PCOLCE2: variants seen among roughly 807,000 people sequenced by gnomAD.
The protein encoded by PCOLCE2 is procollagen C-proteinase enhancer 2.
PCOLCE2 carries 42 observed loss-of-function variants against 47.0 expected under a neutral mutation model. That is an observed-to-expected ratio of 0.89 (90% CI 0.70 to 1.16). The LOEUF (loss-of-function observed/expected upper bound fraction) is 1.16. PCOLCE2 is among the 50% of genes most tolerant of loss of function. PCOLCE2 has a pLI of 0.00. For missense variants in PCOLCE2, 500 were observed against 526.1 expected, an observed-to-expected ratio of 0.95 and a Z score of 0.49; for synonymous variants, 169 against 191.7, an observed-to-expected ratio of 0.88 and a Z score of 0.98.
chr3:142,821,165 C>T (rs756653456), intron 7 of PCOLCE2, 120 bp from the exon 8 acceptor site: 24 of 755,710 alleles, frequency 3.2e-5, no homozygotes, highest in Non-Finnish European at 4.0e-5. Context: ...AAAGAAAAGG[C>T]CCTCATAGAG....
chr3:142,824,709 G>T (rs991860822), intron 6 of PCOLCE2, among the ~76,000 whole-genome samples: 1 of 152,082 alleles, frequency 6.6e-6, no homozygotes, highest in Non-Finnish European at 1.5e-5. Flanking sequence ...GTGTGATCTT[G>T]GCTCACTGCA....
At chr3:142,870,706 A>ATTTTTTTTTTTTTTTTTTTTTTTTT (rs200280430) in intron 2 of PCOLCE2, among the ~76,000 whole-genome samples, 1 of 135,386 alleles carries the variant, frequency 7.4e-6, no homozygotes, top group Non-Finnish European at 1.6e-5. Context: ...GAATGAGGCA[A>ATTTTTTTTTTTTTTTTTTTTTTTTT]TTTTTTTTTT....
intron 2 of PCOLCE2, among the ~76,000 whole-genome samples, chr3:142,872,868 G>GA (rs1933421321): frequency 1.3e-5 from 2 of 152,044 alleles, no homozygotes; most frequent in Non-Finnish European, 1.5e-5. Flanking sequence ...TTCATCCTCA[G>GA]AATATATAAA....
At chr3:142,882,589 A>ATTATT (rs1188049251) in intron 2 of PCOLCE2, among the ~76,000 whole-genome samples, 1 of 151,640 alleles carries the variant, frequency 6.6e-6, no homozygotes, top group African/African-American at 2.4e-5. Context: ...TTATTATTAT[A>ATTATT]CTTTAGAGAA....
chr3:142,837,961 A>C (rs1029971495), intron 5 of PCOLCE2, among the ~76,000 whole-genome samples: 1 of 152,208 alleles, frequency 6.6e-6, no homozygotes, highest in Non-Finnish European at 1.5e-5. Flanking sequence ...CAGATCTCTG[A>C]TAAGGTAAAA....
At chr3:142,847,231 T>C (rs1937336882) in intron 3 of PCOLCE2, among the ~76,000 whole-genome samples, 1 of 152,182 alleles carries the variant, frequency 6.6e-6, no homozygotes, top group African/African-American at 2.4e-5. Flanking sequence ...CTCCTCCACA[T>C]ATGTAGAGTT....
rs770461474 is a variant in PCOLCE2 at position 142,818,393 on chromosome 3, AT to A, written c.1189del (p.Met397Ter). 1 of 1,613,352 alleles carries A rather than the reference AT, an allele frequency of 6.2e-7. No homozygotes were observed. Among genetic ancestry groups the A allele is most frequent in the Non-Finnish European group, 8.5e-7 (1 of 1,179,390 alleles). On this transcript the variant is annotated frameshift_variant, in exon 9 of 9. Coordinates refer to ENST00000295992, the MANE Select transcript of PCOLCE2 (RefSeq NM_013363.4). LOFTEE classifies it high-confidence loss of function. ...RGKIMPNSFI[M>X]MFKTKNQKLL... ...CTTCTGATTCTTGGTCTTGAACATC[AT>A]GATAAAGCTGTTTGGCATGATTTTG...
At chr3:142,888,727 A>C in intron 1 of PCOLCE2, 87 bp downstream of exon 1, 2 of 809,844 alleles carry the variant, frequency 2.5e-6, no homozygotes, top group Non-Finnish European at 3.6e-6. Context: ...AGGCGCGCCG[A>C]AGCGGGTTGA....
chr3:142,871,031 C>CAG (rs1407016360), intron 2 of PCOLCE2, among the ~76,000 whole-genome samples: 1 of 152,190 alleles, frequency 6.6e-6, no homozygotes, highest in Non-Finnish European at 1.5e-5. Flanking sequence ...ATGTCAAAGA[C>CAG]AGACCCCTGG....
intron 2 of PCOLCE2, chr3:142,863,829 ATG>A (rs1267194061): frequency 6.6e-6 from 1 of 152,256 alleles, no homozygotes; most frequent in Non-Finnish European, 1.5e-5. Context: ...TTTTTAAAAA[ATG>A]TAAATTAAAT....
At chr3:142,819,087 A>G (rs1417930236) in intron 8 of PCOLCE2, among the ~76,000 whole-genome samples, 4 of 152,170 alleles carry the variant, frequency 2.6e-5, no homozygotes, top group South Asian at 2.1e-4. Context: ...CATCTCAAAC[A>G]TGTATGCTAC....
chr3:142,829,419 T>C (rs976666426), intron 6 of PCOLCE2, among the ~76,000 whole-genome samples: 15 of 152,268 alleles, frequency 9.9e-5, no homozygotes, highest in African/African-American at 3.6e-4. Context: ...AACAGAAACT[T>C]AGTCTTAGAA....
At position 142,820,922 on chromosome 3, in the gene PCOLCE2, G is replaced by A. The variant is rs1937005525; in HGVS notation, c.1073C>T (p.Ala358Val). The A allele has an allele frequency of 1.9e-6, 3 of 1,613,936 alleles. No homozygotes were observed. Among genetic ancestry groups the A allele is most frequent in the Non-Finnish European group, 2.5e-6 (3 of 1,179,968 alleles). ...AIQQAGKNMS[A>V]RLTVVCKQCP... is the part of the protein sequence containing the mutation. Reference sequence around the variant, plus strand: ...CTGCTTGCAGACGACAGTCAGCCTGGCACTCATGTTCTTGCCCGCCTGCTG... The same window carrying A: ...CTGCTTGCAGACGACAGTCAGCCTGACACTCATGTTCTTGCCCGCCTGCTG... Residue 358 changes from alanine to valine, a missense_variant, in exon 8 of 9, where the codon GCC (alanine) becomes GTC (valine). Physicochemically the swap from Ala to Val is moderately conservative, Grantham distance 64 (BLOSUM62 0). Transcript: ENST00000295992.
intron 2 of PCOLCE2, among the ~76,000 whole-genome samples, chr3:142,881,934 C>A (rs1195085371): frequency 6.6e-6 from 1 of 152,140 alleles, no homozygotes. Context: ...ACATACTTTT[C>A]ACTTTAATGG....
At chr3:142,834,983 G>C (rs1937187103) in intron 5 of PCOLCE2, among the ~76,000 whole-genome samples, 2 of 151,450 alleles carry the variant, frequency 1.3e-5, no homozygotes, top group Non-Finnish European at 2.9e-5. Context: ...GTGATCATTT[G>C]GCAAATATGG....
chr3:142,828,497 T>G (rs1280917445), intron 6 of PCOLCE2, among the ~76,000 whole-genome samples: 1 of 152,074 alleles, frequency 6.6e-6, no homozygotes, highest in African/African-American at 2.4e-5. Context: ...GTCTACTCGG[T>G]GTGGTGGGAG....
intron 6 of PCOLCE2, among the ~76,000 whole-genome samples, chr3:142,829,292 A>T (rs1035865964): frequency 3.3e-5 from 5 of 151,828 alleles, no homozygotes; most frequent in African/African-American, 1.2e-4. Flanking sequence ...AAAAAAAAAA[A>T]CCAAAAACAA....
intron 4 of PCOLCE2, among the ~76,000 whole-genome samples, chr3:142,840,468 A>G (rs1353857061): frequency 6.6e-6 from 1 of 152,214 alleles, no homozygotes; most frequent in Non-Finnish European, 1.5e-5. Flanking sequence ...ACTTCAGGGA[A>G]GATAAAGGAC....
chr3:142,866,156 G>T (rs1436013928), intron 2 of PCOLCE2, among the ~76,000 whole-genome samples: 4 of 152,244 alleles, frequency 2.6e-5, no homozygotes, highest in African/African-American at 7.2e-5. Flanking sequence ...ACTAGCATTT[G>T]AATCAGTAGA....
Sources: gnomAD v4.1 joint callset for allele counts (sites outside exome capture counted in the v4.1 genomes callset) on GRCh38, gnomAD v4.1.1 for gene constraint, MANE v1.5 for transcripts, NCBI Gene and HGNC (gene_info 2026-07-23, HGNC 2026-07-21) for gene names.